The following UNC13B variants were observed in gnomAD, a reference collection of about 807,000 sequenced individuals.
UNC13B encodes the protein protein unc-13 homolog B.
In UNC13B, 144 loss-of-function variants were observed where a neutral mutation model predicts 211.0. That is an observed-to-expected ratio of 0.68 (90% CI 0.60 to 0.78). The LOEUF is 0.78. Among genes scored for constraint, UNC13B ranks in the 30% least tolerant of loss-of-function variants. UNC13B has a pLI of 0.00. For synonymous variants in UNC13B, 709 were observed against 725.8 expected (o/e 0.98, Z 0.37); for missense variants, 1,777 against 2,002.0 (o/e 0.89, Z 2.14).
At position 35,165,653 on chromosome 9, in the gene UNC13B, G is replaced by A. The variant is rs367690665; in HGVS notation, c.22+3348G>A. Among the ~76,000 whole-genome samples the A allele has an allele frequency of 1.5e-4, 23 of 151,884 alleles. No individual in the cohort carries two copies. In the East Asian group the frequency reaches 3.1e-3, roughly 21 times the overall value. ...AGGCTGGTCTCAAACTCCTGACCTCGTGATCTGCCCACCTCGGCCTCCCAA... is the reference window on the plus strand; with the variant it reads ...AGGCTGGTCTCAAACTCCTGACCTCATGATCTGCCCACCTCGGCCTCCCAA... On this transcript the variant is annotated intron_variant, in intron 1 of 39. Transcript: ENST00000635942.
chr9:35,330,028 T>C (rs1375537089), intron 11 of UNC13B, among the ~76,000 whole-genome samples: 1 of 152,216 alleles, frequency 6.6e-6, no homozygotes, highest in African/African-American at 2.4e-5. Context: ...AAATTGTTAC[T>C]AACAAAATTT....
Position 35,376,079 on chromosome 9 carries a change from T to G in UNC13B, c.9667T>G (p.Cys3223Gly), listed in dbSNP as rs1363755598. 1 of 1,614,250 alleles carries G rather than the reference T, an allele frequency of 6.2e-7. No individual in the cohort carries two copies. Among genetic ancestry groups the G allele is most frequent in the Admixed American group, 1.7e-5 (1 of 60,026 alleles). Residue 3223 changes from cysteine to glycine, a missense_variant, in exon 15 of 40, where the codon TGC becomes GGC. Physicochemically the swap from Cys to Gly is radical, Grantham distance 159. Coordinates refer to ENST00000635942, the MANE Select transcript of UNC13B (RefSeq NM_001371189.2). ...GCAGGCCTTAATCTACCCCATTTCGTGCACCACTCCTCATAACTTTGAGGT... is the reference window on the plus strand; with the variant it reads ...GCAGGCCTTAATCTACCCCATTTCGGGCACCACTCCTCATAACTTTGAGGT... ...TLQALIYPIS[C>G]TTPHNFEVWT...
At chr9:35,252,408 C>A (rs949891162) in intron 6 of UNC13B, among the ~76,000 whole-genome samples, 28 of 152,108 alleles carry the variant, frequency 1.8e-4, no homozygotes, top group African/African-American at 6.5e-4. Flanking sequence ...CAGTCTCCGC[C>A]TCCTGAGTTC....
chr9:35,277,597 G>T lies in UNC13B; in HGVS notation c.527-18099G>T, dbSNP rs564999262. ...TATAGAGCTTTTCATTTTCTCCTTT[G>T]CAAAGGCTTTTATATTTTCTCGGGG... On this transcript the variant is annotated intron_variant, in intron 7 of 39. Transcript: ENST00000635942. Among the ~76,000 whole-genome samples the T allele has an allele frequency of 8.6e-5, 13 of 152,002 alleles. No individual in the cohort carries two copies. The South Asian group carries it at 1.5e-3, about 17-fold the overall frequency.
intron 18 of UNC13B, 146 bp downstream of exon 18, chr9:35,380,785 A>AG: frequency 9.0e-7 from 1 of 1,110,468 alleles, no homozygotes. Context: ...GACTGTGGGG[A>AG]GGGATGGGGG....
chr9:35,254,900 G>T (rs1332610567), intron 6 of UNC13B, among the ~76,000 whole-genome samples: 2 of 105,618 alleles, frequency 1.9e-5, no homozygotes, highest in African/African-American at 3.4e-5. Flanking sequence ...TATAATATAC[G>T]TATATAATAT....
chr9:35,232,617 G>A (rs563053420), intron 3 of UNC13B, among the ~76,000 whole-genome samples: 1 of 152,256 alleles, frequency 6.6e-6, no homozygotes, highest in Non-Finnish European at 1.5e-5. Flanking sequence ...ACATTTTCTT[G>A]GAAGATGGGT....
chr9:35,237,801 T>A lies in UNC13B; in HGVS notation c.369T>A (p.Leu123=). The change falls in exon 5 of 40, where the codon CTT becomes CTA. Residue 123 remains leucine, a synonymous_variant. Transcript: ENST00000635942. ...TRNPTPHKIL[L]DTRFELPFDI... is the part of the protein sequence containing the mutation. ...ACCCAACTCCTCATAAAATTTTGCTTGATACAAGATTTGAGTTGCCTTTTG... is the reference window on the plus strand; with the variant it reads ...ACCCAACTCCTCATAAAATTTTGCTAGATACAAGATTTGAGTTGCCTTTTG... The A allele has an allele frequency of 6.2e-7, 1 of 1,613,078 alleles. No homozygotes were observed. The highest frequency in any genetic ancestry group is 2.2e-5 in the East Asian group (1 of 44,868).
At chr9:35,261,470 TTTTA>T (rs1827268594) in intron 7 of UNC13B, among the ~76,000 whole-genome samples, 1 of 152,074 alleles carries the variant, frequency 6.6e-6, no homozygotes, top group African/African-American at 2.4e-5. Context: ...TTTTAAAAAA[TTTTA>T]TTTATTTTTT....
At chr9:35,355,100 T>C (rs2132085990) in intron 11 of UNC13B, among the ~76,000 whole-genome samples, 1 of 152,186 alleles carries the variant, frequency 6.6e-6, no homozygotes. Context: ...TTTACTGAAA[T>C]GGAAAGTTAT....
chr9:35,328,635 CCTT>C (rs1831164409), intron 11 of UNC13B, among the ~76,000 whole-genome samples: 1 of 121,322 alleles, frequency 8.2e-6, no homozygotes, highest in Non-Finnish European at 1.7e-5. Context: ...TTCCTTCCTT[CCTT>C]CCTTCCTTCC....
At position 35,286,226 on chromosome 9, in the gene UNC13B, CT is replaced by C. The variant is rs777657602; in HGVS notation, c.527-9447del. 0.01 allele frequency among the ~76,000 whole-genome samples: 1,193 copies of C among 117,664 alleles called. 16 individuals carry two copies. In the East Asian group the frequency reaches 0.11, roughly 11 times the overall value. The allele number at this position is 117,664 out of a possible 152,430, so 77.2% of individuals were successfully genotyped here. On this transcript the variant is annotated intron_variant, in intron 7 of 39. Transcript: ENST00000635942. ...CCAAGCCATGTTTGGAAGCTTGGAACTTTTTTTTTTTTTTTTTTTTTTTGAG... is the reference window on the plus strand; with the variant it reads ...CCAAGCCATGTTTGGAAGCTTGGAACTTTTTTTTTTTTTTTTTTTTTTGAG...
chr9:35,255,019 G>GTA (rs1365397225), intron 6 of UNC13B, among the ~76,000 whole-genome samples: 1 of 106,696 alleles, frequency 9.4e-6, no homozygotes, highest in South Asian at 2.5e-4. Context: ...ATTAATATAT[G>GTA]TATATATAAT....
intron 6 of UNC13B, among the ~76,000 whole-genome samples, chr9:35,247,876 G>A (rs1165136838): frequency 1.3e-5 from 2 of 152,198 alleles, no homozygotes. Flanking sequence ...CATAAAATGA[G>A]TTAGGGAGGA....
At chr9:35,240,806 A>G (rs1047789814) in intron 5 of UNC13B, among the ~76,000 whole-genome samples, 3 of 152,130 alleles carry the variant, frequency 2.0e-5, no homozygotes, top group African/African-American at 7.2e-5. Context: ...CTGTAATCCC[A>G]GCATTTTGGG....
chr9:35,278,134 T>C (rs553741906), intron 7 of UNC13B, among the ~76,000 whole-genome samples: 32 of 152,342 alleles, frequency 2.1e-4, no homozygotes, highest in South Asian at 4.1e-4. Context: ...ATAGTTGTAC[T>C]TGCTAATCTG....
At chr9:35,321,778 G>T (rs1174639784) in intron 11 of UNC13B, among the ~76,000 whole-genome samples, 2 of 151,972 alleles carry the variant, frequency 1.3e-5, no homozygotes, top group East Asian at 3.9e-4. Flanking sequence ...CATGATTACT[G>T]GTATGAGCCA....
chr9:35,251,180 G>A (rs1209330231), intron 6 of UNC13B, among the ~76,000 whole-genome samples: 2 of 151,808 alleles, frequency 1.3e-5, no homozygotes, highest in African/African-American at 4.8e-5. Flanking sequence ...TAGCCAGGAC[G>A]GTCTCGATCC....
intron 6 of UNC13B, among the ~76,000 whole-genome samples, chr9:35,254,604 T>C (rs527525461): frequency 5.9e-5 from 9 of 152,198 alleles, no homozygotes; most frequent in African/African-American, 1.7e-4. Flanking sequence ...ATTATACTAC[T>C]TTTGTTAGAT....
Sources: allele counts gnomAD v4.1 joint callset (sites outside exome capture counted in the v4.1 genomes callset), GRCh38; gene constraint gnomAD v4.1.1; transcripts MANE v1.5; gene names NCBI Gene and HGNC (gene_info 2026-07-23, HGNC 2026-07-21).